The following TMEM182 variants were observed in gnomAD, a reference collection of about 807,000 sequenced individuals.
TMEM182 encodes transmembrane protein 182.
Under a neutral mutation model 26.8 loss-of-function variants are expected in TMEM182, and 20 were observed. The ratio of observed to expected loss-of-function variants is 0.75; its 90% confidence interval spans 0.53 to 1.09. The LOEUF (loss-of-function observed/expected upper bound fraction) is 1.09. Ranked by LOEUF, TMEM182 falls within the 50% of genes least tolerant of loss-of-function variation. The pLI is 0.00. For missense variants in TMEM182, 277 were observed against 275.5 expected (o/e 1.01, Z -0.04); for synonymous variants, 109 against 102.2 (o/e 1.07, Z -0.40).
At position 102,797,933 on chromosome 2, in the gene TMEM182, C is replaced by A; in HGVS notation, c.402C>A (p.Ile134=). The change falls in exon 4 of 5, where the codon ATC becomes ATA. Residue 134 remains isoleucine, a synonymous_variant. Coordinates refer to ENST00000412401, the MANE Select transcript of TMEM182 (RefSeq NM_144632.5). ...VVAVVIASFL[I]ICAAPFASHF... ...CTGTAGTCATCGCAAGCTTTTTGATCATCTGTGCAGCCCCCTTCGCCAGCC... is the reference window on the plus strand; with the variant it reads ...CTGTAGTCATCGCAAGCTTTTTGATAATCTGTGCAGCCCCCTTCGCCAGCC... The A allele has an allele frequency of 6.2e-7, 1 of 1,614,084 alleles. No individual in the cohort carries two copies. The highest frequency in any genetic ancestry group is 1.1e-5 in the South Asian group (1 of 91,078).
chr2:102,762,769 C>A, intron 2 of TMEM182, 83 bp downstream of exon 2: 2 of 1,138,914 alleles, frequency 1.8e-6, no homozygotes, highest in Non-Finnish European at 1.3e-6. Flanking sequence ...TCACTTCTAG[C>A]GGACTGGATT....
upstream of TMEM182, chr2:102,761,968 A>G: frequency 2.7e-6 from 1 of 371,998 alleles, no homozygotes; most frequent in Non-Finnish European, 4.9e-6. Context: ...TCACTATCTT[A>G]AAATAGCCAG....
intron 3 of TMEM182, among the ~76,000 whole-genome samples, chr2:102,830,468 A>G (rs1057408480): frequency 6.6e-6 from 1 of 152,068 alleles, no homozygotes; most frequent in Non-Finnish European, 1.5e-5. Context: ...TTTATTTACA[A>G]CACTGGGACT....
intron 1 of TMEM182, among the ~76,000 whole-genome samples, chr2:102,737,360 G>A (rs902213713): frequency 6.6e-6 from 1 of 152,174 alleles, no homozygotes; most frequent in Non-Finnish European, 1.5e-5. Flanking sequence ...AACCATAGAT[G>A]GTCTATGCCT....
At chr2:102,803,626 C>T (rs1252383555) in intron 4 of TMEM182, among the ~76,000 whole-genome samples, 1 of 152,054 alleles carries the variant, frequency 6.6e-6, no homozygotes, top group Non-Finnish European at 1.5e-5. Context: ...ATTTTTTTCT[C>T]CTTAATACTA....
intron 3 of TMEM182, among the ~76,000 whole-genome samples, chr2:102,777,934 T>A (rs770464403): frequency 1.3e-5 from 2 of 151,996 alleles, no homozygotes; most frequent in Non-Finnish European, 2.9e-5. Context: ...TGGGATATGA[T>A]CAGTATTGGT....
intron 3 of TMEM182, among the ~76,000 whole-genome samples, chr2:102,782,676 A>G (rs2732861): frequency 0.54 from 82,219 of 151,924 alleles, 22,835 homozygotes; most frequent in African/African-American, 0.66. Flanking sequence ...AACTTTTTTC[A>G]TAGTCAACTT....
chr2:102,841,722 A>G (rs1325135649), intron 3 of TMEM182, among the ~76,000 whole-genome samples: 1 of 152,196 alleles, frequency 6.6e-6, no homozygotes, highest in Non-Finnish European at 1.5e-5. Flanking sequence ...CAAGGTGGCA[A>G]TAGCTATATC....
rs2104780820 is a variant in TMEM182, at chr2:102,837,887, G to A, written c.326-5525G>A. On this transcript the variant is annotated intron_variant, in intron 3 of 3. Coordinates refer to the TMEM182 transcript ENST00000486293. ...GGCTTCTGAGGGTTCCTCACCCTTAGGGCTAGCTACGTCATTCATGGGGCT... is the reference window on the plus strand; with the variant it reads ...GGCTTCTGAGGGTTCCTCACCCTTAAGGCTAGCTACGTCATTCATGGGGCT... 1.3e-5 allele frequency among the ~76,000 whole-genome samples: 2 copies of A among 152,308 alleles called. 1 individual carries two copies. Among genetic ancestry groups the A allele is most frequent in the East Asian group, 3.9e-4 (2 of 5,172 alleles).
rs543861406 is a variant in TMEM182, at chr2:102,825,487, A to G, written c.326-17925A>G. ...ATTGAGACTCTTTGAATCATAGCCA[A>G]GCCAGCATAGCTCAGACACACAGAC... On this transcript the variant is annotated intron_variant, in intron 3 of 3. Coordinates refer to the TMEM182 transcript ENST00000486293. Among the ~76,000 whole-genome samples, 6 of 152,326 alleles carry G rather than the reference A, an allele frequency of 3.9e-5. No homozygotes were observed. In the South Asian group the frequency reaches 1.2e-3, roughly 32 times the overall value.
At chr2:102,837,392 G>A (rs1683266050) in intron 3 of TMEM182, among the ~76,000 whole-genome samples, 1 of 152,122 alleles carries the variant, frequency 6.6e-6, no homozygotes, top group South Asian at 2.1e-4. Flanking sequence ...AGATTCTACC[G>A]ATACATTGAA....
At chr2:102,785,117 A>G (rs1681335046) in intron 3 of TMEM182, among the ~76,000 whole-genome samples, 1 of 152,164 alleles carries the variant, frequency 6.6e-6, no homozygotes, top group South Asian at 2.1e-4. Context: ...TGAGCACATC[A>G]TAAAAGGACC....
At chr2:102,798,862 T>G (rs1374175707) in intron 4 of TMEM182, among the ~76,000 whole-genome samples, 1 of 152,098 alleles carries the variant, frequency 6.6e-6, no homozygotes, top group African/African-American at 2.4e-5. Flanking sequence ...AATTAATTAA[T>G]TGTGATCCAT....
chr2:102,821,825 A>G (rs1682921846), downstream of TMEM182, among the ~76,000 whole-genome samples: 2 of 151,998 alleles, frequency 1.3e-5, no homozygotes, highest in South Asian at 4.1e-4. Context: ...CGTCTCTACT[A>G]AAAATACAAA....
In TMEM182 at chr2:102,736,970, T is replaced by A; in HGVS notation, c.-126T>A. On this transcript the variant is annotated 5_prime_UTR_variant, in exon 1 of 6. Coordinates refer to the TMEM182 transcript ENST00000409173. ...GTGCGTGGCCGGTGCTGGCTGGGAG[T>A]TCTGGTCTCAGGCAAGGTGGGGACT... 3.6e-6 allele frequency: 3 copies of A among 824,484 alleles called. No homozygotes were observed. In the South Asian group the frequency reaches 5.6e-5, roughly 15 times the overall value. 51.1% of individuals were successfully genotyped at this position (824,484 alleles called of 1,614,324 possible). A position where few individuals can be genotyped will look rare whatever the true frequency, so the allele number is the denominator to read the frequency against.
chr2:102,775,728 A>G (rs1039229858), intron 3 of TMEM182, among the ~76,000 whole-genome samples: 1 of 151,264 alleles, frequency 6.6e-6, no homozygotes, highest in Non-Finnish European at 1.5e-5. Context: ...AATCACAAGC[A>G]TTCTTATACA....
chr2:102,838,361 G>T (rs1683285241), intron 3 of TMEM182, among the ~76,000 whole-genome samples: 1 of 152,160 alleles, frequency 6.6e-6, no homozygotes, highest in Non-Finnish European at 1.5e-5. Context: ...TTTTCACAAT[G>T]TGTGTAGCAC....
At chr2:102,841,442 A>C (rs1363035488) in intron 3 of TMEM182, among the ~76,000 whole-genome samples, 4 of 152,070 alleles carry the variant, frequency 2.6e-5, no homozygotes, top group African/African-American at 7.2e-5. Flanking sequence ...AGCAGGTGTC[A>C]CTGTGGAGTC....
chr2:102,798,278 G>A (rs1681968378), intron 4 of TMEM182, among the ~76,000 whole-genome samples: 1 of 152,130 alleles, frequency 6.6e-6, no homozygotes, highest in Non-Finnish European at 1.5e-5. Context: ...ATTATAAAGA[G>A]GAGAACACTG....
Sources: gnomAD v4.1 joint callset for allele counts (sites outside exome capture counted in the v4.1 genomes callset) on GRCh38, gnomAD v4.1.1 for gene constraint, MANE v1.5 for transcripts, NCBI Gene and HGNC (gene_info 2026-07-23, HGNC 2026-07-21) for gene names.